Variants in C2orf92 observed in about 807,000 individuals in gnomAD.
C2orf92 encodes uncharacterized protein C2orf92.
chr2:97,700,636 T>C (rs1463153632), intron 6 of C2orf92, among the ~76,000 whole-genome samples: 5 of 152,082 alleles, frequency 3.3e-5, no homozygotes, highest in Admixed American at 6.5e-5. Context: ...TATCGCCAAA[T>C]AGCAGATGAA....
At chr2:97,698,864 A>G (rs1032944040) in intron 5 of C2orf92, among the ~76,000 whole-genome samples, 162 bp from the exon 6 acceptor site, 1 of 152,238 alleles carries the variant, frequency 6.6e-6, no homozygotes, top group Admixed American at 6.5e-5. Context: ...AACAAAAACA[A>G]TAAAACACCA....
At chr2:97,681,283 C>T (rs1237260489) in intron 3 of C2orf92, among the ~76,000 whole-genome samples, 1 of 151,964 alleles carries the variant, frequency 6.6e-6, no homozygotes, top group African/African-American at 2.4e-5. Context: ...CCAGGATAGC[C>T]CATATGTTAG....
At chr2:97,671,638 A>G (rs569839926) in intron 1 of C2orf92, 233 of 395,502 alleles carry the variant, frequency 5.9e-4, no homozygotes, top group Non-Finnish European at 9.5e-4. Context: ...GAATCTGTCT[A>G]CGTGTCACAG....
At chr2:97,666,214 A>T (rs1489477023), upstream of C2orf92, among the ~76,000 whole-genome samples, 1 of 150,384 alleles carries the variant, frequency 6.6e-6, no homozygotes, top group East Asian at 2.0e-4. Context: ...ATGGGTTGGG[A>T]CTAGCAAGGA....
At chr2:97,677,651 T>C (rs1384594967) in intron 3 of C2orf92, 6 of 152,066 alleles carry the variant, frequency 3.9e-5, no homozygotes, top group African/African-American at 1.2e-4. Flanking sequence ...CAACGTAAAA[T>C]TATAAAACAT....
chr2:97,672,356 G>C (rs962195829), intron 1 of C2orf92: 1 of 151,094 alleles, frequency 6.6e-6, no homozygotes, highest in Non-Finnish European at 1.5e-5. Context: ...CGCTGGGCTT[G>C]CTCCTCCCCA....
intron 3 of C2orf92, among the ~76,000 whole-genome samples, chr2:97,683,127 C>T (rs1265895837): frequency 7.3e-6 from 1 of 137,928 alleles, no homozygotes; most frequent in Non-Finnish European, 1.6e-5. Flanking sequence ...CATATTAAAA[C>T]CAGTAAATGC....
At chr2:97,678,426 A>G (rs1559298883) in intron 3 of C2orf92, among the ~76,000 whole-genome samples, 1 of 152,070 alleles carries the variant, frequency 6.6e-6, no homozygotes, top group Non-Finnish European at 1.5e-5. Flanking sequence ...AACTTCCTGA[A>G]TATGTTGAAA....
At chr2:97,665,165 A>T (rs1675166126), upstream of C2orf92, among the ~76,000 whole-genome samples, 1 of 152,224 alleles carries the variant, frequency 6.6e-6, no homozygotes, top group African/African-American at 2.4e-5. Context: ...CTGCTTCAAG[A>T]GTGCAGGATA....
intron 7 of C2orf92, chr2:97,702,098 C>A (rs1676514142): frequency 6.6e-6 from 1 of 152,360 alleles, no homozygotes; most frequent in Non-Finnish European, 1.5e-5. Flanking sequence ...AGAGCAGCTC[C>A]CCACAGCCCT....
At chr2:97,699,235 T>C in intron 6 of C2orf92, 99 bp downstream of exon 6, 8 of 395,952 alleles carry the variant, frequency 2.0e-5, no homozygotes, top group Non-Finnish European at 3.6e-5. Context: ...CTGACATCTT[T>C]AATTCACCCG....
chr2:97,688,105 C>T (rs571961164), intron 3 of C2orf92, among the ~76,000 whole-genome samples: 2 of 152,280 alleles, frequency 1.3e-5, no homozygotes, highest in African/African-American at 4.8e-5. Flanking sequence ...TTGGAGGCCA[C>T]GGCTCAACTC....
At chr2:97,695,964 C>T (rs1211143496) in intron 5 of C2orf92, among the ~76,000 whole-genome samples, 1 of 152,068 alleles carries the variant, frequency 6.6e-6, no homozygotes, top group Non-Finnish European at 1.5e-5. Flanking sequence ...GGCTCAGAGT[C>T]CCCCATGAGG....
chr2:97,686,317 T>G (rs1675958915), intron 3 of C2orf92, among the ~76,000 whole-genome samples: 1 of 152,140 alleles, frequency 6.6e-6, no homozygotes, highest in African/African-American at 2.4e-5. Context: ...AGGCCCTACC[T>G]CCTAACATGA....
chr2:97,680,701 C>G (rs546349513), intron 3 of C2orf92, among the ~76,000 whole-genome samples: 1 of 152,010 alleles, frequency 6.6e-6, no homozygotes, highest in Admixed American at 6.6e-5. Flanking sequence ...CCGAGGCGGG[C>G]GGATCATGAG....
At chr2:97,698,563 A>G (rs1308816433) in intron 5 of C2orf92, among the ~76,000 whole-genome samples, 1 of 152,202 alleles carries the variant, frequency 6.6e-6, no homozygotes, top group Admixed American at 6.5e-5. Context: ...CAATCTGTGA[A>G]GTAGGTCTCA....
chr2:97,679,794 G>A (rs1459382131), intron 3 of C2orf92, among the ~76,000 whole-genome samples: 2 of 138,844 alleles, frequency 1.4e-5, no homozygotes, highest in African/African-American at 2.7e-5. Flanking sequence ...CCAAGATCAC[G>A]CCATTGCACT....
At position 97,675,851 on chromosome 2, in the gene C2orf92, C is replaced by A. The variant is rs1054388869; in HGVS notation, c.155C>A (p.Ser52Tyr). The A allele has an allele frequency of 2.5e-6, 1 of 398,948 alleles. No homozygotes were observed. The allele number at this position is 398,948 out of a possible 1,614,324, so 24.7% of individuals were successfully genotyped here. The change falls in exon 3 of 8, where the codon TCC becomes TAC. Residue 52 changes from serine (S) to tyrosine (Y), a missense_variant. By Grantham distance (144) the Ser-to-Tyr change is moderately radical (BLOSUM62 -2). Transcript: ENST00000627399. ...ATGGTTTATTTTCCCTTAGGCTATT[C>A]CCAACAGAAGAGCTTGAACAATGCT... is the stretch of plus-strand genomic sequence containing the variant. ...ITKRDTQKSY[S>Y]QQKSLNNAAF...
chr2:97,672,551 C>T (rs1675449460), intron 1 of C2orf92: 2 of 151,788 alleles, frequency 1.3e-5, no homozygotes, highest in Non-Finnish European at 2.9e-5. Flanking sequence ...TCTCTGAATT[C>T]GGCCCCATAT....
Sources: allele counts gnomAD v4.1 joint callset (sites outside exome capture counted in the v4.1 genomes callset), GRCh38; gene constraint gnomAD v4.1.1; transcripts MANE v1.5; gene names NCBI Gene and HGNC (gene_info 2026-07-23, HGNC 2026-07-21).